The following SORCS3 variants were observed in gnomAD, a reference collection of about 807,000 sequenced individuals.
SORCS3 encodes the protein VPS10 domain-containing receptor SorCS3.
A neutral mutation model predicts 146.3 loss-of-function variants in SORCS3; 57 were observed. The ratio of observed to expected loss-of-function variants is 0.39; its 90% CI spans 0.31 to 0.49. The LOEUF is 0.49. SORCS3 is among the 20% of genes least tolerant of loss of function. The pLI, the probability that SORCS3 is intolerant of heterozygous loss-of-function variation, is 0.92. For synonymous variants in SORCS3, 653 were observed against 618.5 expected, an observed-to-expected ratio of 1.06 and a Z score of -0.83; for missense variants, 1,341 against 1,575.5, an observed-to-expected ratio of 0.85 and a Z score of 2.52.
intron 5 of SORCS3, among the ~76,000 whole-genome samples, chr10:105,083,456 G>C (rs1284147484): frequency 1.3e-5 from 2 of 152,100 alleles, no homozygotes; most frequent in Non-Finnish European, 2.9e-5. Context: ...GGGAAGAGGT[G>C]CCAGGGGCAA....
At chr10:104,910,347 GA>G (rs2018954093) in intron 2 of SORCS3, among the ~76,000 whole-genome samples, 1 of 152,162 alleles carries the variant, frequency 6.6e-6, no homozygotes, top group African/African-American at 2.4e-5. Context: ...CGTCACCCCA[GA>G]AAAACTTTTC....
intron 2 of SORCS3, among the ~76,000 whole-genome samples, chr10:104,856,028 A>G (rs1436690265): frequency 3.3e-5 from 5 of 152,140 alleles, no homozygotes; most frequent in Non-Finnish European, 7.3e-5. Context: ...ATGAGCCACC[A>G]TGCCCAGCCA....
intron 3 of SORCS3, among the ~76,000 whole-genome samples, chr10:104,924,610 G>A (rs950783502): frequency 6.6e-6 from 1 of 152,212 alleles, no homozygotes; most frequent in African/African-American, 2.4e-5. Flanking sequence ...GCTTGATAAA[G>A]GAGCAAGAGG....
intron 3 of SORCS3, among the ~76,000 whole-genome samples, chr10:104,919,363 A>T: frequency 7.3e-6 from 1 of 136,760 alleles, no homozygotes; most frequent in Middle Eastern, 3.8e-3. Flanking sequence ...GGCCAATGGC[A>T]TGGATTTTTT....
intron 16 of SORCS3, among the ~76,000 whole-genome samples, chr10:105,206,817 A>G (rs1010581897): frequency 6.6e-6 from 1 of 152,104 alleles, no homozygotes; most frequent in African/African-American, 2.4e-5. Flanking sequence ...CTCCATGCCT[A>G]CCAAGAACCT....
intron 1 of SORCS3, among the ~76,000 whole-genome samples, chr10:104,685,485 A>C (rs2016033615): frequency 6.6e-6 from 1 of 152,140 alleles, no homozygotes; most frequent in African/African-American, 2.4e-5. Flanking sequence ...AGCAGCTGCA[A>C]AGGTTGCCTG....
At chr10:105,253,866 T>C (rs2056915029) in intron 23 of SORCS3, among the ~76,000 whole-genome samples, 1 of 152,244 alleles carries the variant, frequency 6.6e-6, no homozygotes, top group Non-Finnish European at 1.5e-5. Context: ...ATTTAGCTTC[T>C]TAATGCATAC....
intron 1 of SORCS3, among the ~76,000 whole-genome samples, chr10:104,765,685 A>G (rs1343883271): frequency 6.6e-6 from 1 of 152,216 alleles, no homozygotes; most frequent in African/African-American, 2.4e-5. Flanking sequence ...AGAAATAACA[A>G]TTATTTTTAT....
intron 3 of SORCS3, among the ~76,000 whole-genome samples, chr10:104,928,832 A>G (rs1419190240): frequency 1.3e-5 from 2 of 152,224 alleles, no homozygotes; most frequent in African/African-American, 4.8e-5. Context: ...TCAGTGCTGC[A>G]GCCCTATGTC....
chr10:104,846,536 A>C, intron 2 of SORCS3, among the ~76,000 whole-genome samples: 1 of 152,230 alleles, frequency 6.6e-6, no homozygotes, highest in East Asian at 1.9e-4. Context: ...ACCCCCTGTC[A>C]GGTTGCAATG....
intron 13 of SORCS3, among the ~76,000 whole-genome samples, chr10:105,175,244 A>G (rs1213331334): frequency 7.2e-6 from 1 of 138,880 alleles, no homozygotes; most frequent in South Asian, 2.3e-4. Context: ...TGTATTTAGT[A>G]GAGACAGGGC....
At chr10:104,743,872 G>A (rs1379490496) in intron 1 of SORCS3, among the ~76,000 whole-genome samples, 5 of 152,154 alleles carry the variant, frequency 3.3e-5, no homozygotes, top group Admixed American at 6.5e-5. Context: ...TCAGGCATCC[G>A]CTTAAAGGCT....
intron 5 of SORCS3, among the ~76,000 whole-genome samples, chr10:105,083,496 G>A (rs2055639049): frequency 6.6e-6 from 1 of 152,030 alleles, no homozygotes; most frequent in African/African-American, 2.4e-5. Context: ...ATCTGAGCAG[G>A]CATGCCTCTC....
chr10:104,672,993 T>C (rs2015873055), intron 1 of SORCS3, among the ~76,000 whole-genome samples: 1 of 152,188 alleles, frequency 6.6e-6, no homozygotes, highest in Admixed American at 6.5e-5. Context: ...CTTTTATTAA[T>C]GTATATTGTC....
At chr10:104,797,922 C>A in intron 1 of SORCS3, among the ~76,000 whole-genome samples, 1 of 152,164 alleles carries the variant, frequency 6.6e-6, no homozygotes, top group Non-Finnish European at 1.5e-5. Context: ...TGGGTCCCAG[C>A]TCAGAGCTAC....
intron 1 of SORCS3, among the ~76,000 whole-genome samples, chr10:104,775,871 G>A (rs910632066): frequency 3.9e-5 from 6 of 152,182 alleles, no homozygotes; most frequent in Non-Finnish European, 5.9e-5. Context: ...GAAGGTAGAA[G>A]CAGAGAGGCA....
chr10:105,199,915 A>G (rs947786900), intron 14 of SORCS3, 84 bp from the exon 15 acceptor site: 2 of 938,474 alleles, frequency 2.1e-6, no homozygotes, highest in Non-Finnish European at 3.4e-6. Flanking sequence ...GTGAATCTCT[A>G]TCTCCTTCCT....
chr10:104,689,968 G>A (rs1021501418), intron 1 of SORCS3, among the ~76,000 whole-genome samples: 3 of 152,178 alleles, frequency 2.0e-5, no homozygotes, highest in African/African-American at 7.2e-5. Context: ...CTTTTGGCAT[G>A]CTTTAATCTT....
At chr10:105,123,253 A>G (rs1176781887) in intron 7 of SORCS3, among the ~76,000 whole-genome samples, 1 of 152,234 alleles carries the variant, frequency 6.6e-6, no homozygotes, top group East Asian at 1.9e-4. Flanking sequence ...GAAAGTTTCA[A>G]AGCAGCGGAC....
Sources: allele counts gnomAD v4.1 joint callset (sites outside exome capture counted in the v4.1 genomes callset), GRCh38; gene constraint gnomAD v4.1.1; transcripts MANE v1.5; gene names NCBI Gene and HGNC (gene_info 2026-07-23, HGNC 2026-07-21).